C1orf105: variants seen among roughly 807,000 people sequenced by gnomAD.
The protein encoded by C1orf105 is uncharacterized protein C1orf105.
In C1orf105, 17 loss-of-function variants were observed where a neutral mutation model predicts 20.8. The observed-to-expected ratio is 0.82, with a 90% CI of 0.56 to 1.23. The LOEUF (loss-of-function observed/expected upper bound fraction) is 1.23. C1orf105 is among the 50% of genes most tolerant of loss of function. C1orf105 has a pLI of 0.00. For synonymous variants in C1orf105, 72 were observed against 72.1 expected, an observed-to-expected ratio of 1.00 and a Z score of 0.01; for missense variants, 219 against 213.5, an observed-to-expected ratio of 1.03 and a Z score of -0.16.
intron 1 of C1orf105, among the ~76,000 whole-genome samples, chr1:172,436,291 C>T (rs942000430): frequency 1.4e-4 from 21 of 152,124 alleles, no homozygotes; most frequent in Admixed American, 2.6e-4. Flanking sequence ...CAAGACAATC[C>T]TAAGTAAAAA....
intron 1 of C1orf105, among the ~76,000 whole-genome samples, chr1:172,422,452 C>T (rs2071615864): frequency 1.3e-5 from 2 of 152,132 alleles, no homozygotes; most frequent in Non-Finnish European, 2.9e-5. Context: ...AATAAAGAGC[C>T]TTTGGACCCT....
At chr1:172,454,352 T>C (rs1648998517) in intron 3 of C1orf105, among the ~76,000 whole-genome samples, 1 of 151,516 alleles carries the variant, frequency 6.6e-6, no homozygotes, top group South Asian at 2.1e-4. Flanking sequence ...TAGTGTGTCC[T>C]ACCTTAATTG....
At chr1:172,446,457 C>G (rs1408240014) in intron 2 of C1orf105, among the ~76,000 whole-genome samples, 1 of 152,234 alleles carries the variant, frequency 6.6e-6, no homozygotes, top group African/African-American at 2.4e-5. Context: ...AGCCCACCCC[C>G]ACGCCAGCAG....
intron 5 of C1orf105, among the ~76,000 whole-genome samples, chr1:172,464,401 G>A (rs969252258): frequency 3.3e-5 from 5 of 152,166 alleles, no homozygotes; most frequent in African/African-American, 1.2e-4. Flanking sequence ...TGAAATGAAT[G>A]TAGAGCCTTA....
chr1:172,439,836 T>C (rs1343053083), intron 1 of C1orf105, among the ~76,000 whole-genome samples: 1 of 152,114 alleles, frequency 6.6e-6, no homozygotes. Context: ...GCCCTGTTCC[T>C]GATGTGGACT....
At chr1:172,421,921 G>C (rs2071601187) in intron 1 of C1orf105, among the ~76,000 whole-genome samples, 1 of 152,146 alleles carries the variant, frequency 6.6e-6, no homozygotes, top group Non-Finnish European at 1.5e-5. Flanking sequence ...TGTTGCCAAT[G>C]GAGGGACCAT....
intron 1 of C1orf105, among the ~76,000 whole-genome samples, chr1:172,437,016 T>C (rs1286766011): frequency 1.3e-5 from 2 of 152,148 alleles, no homozygotes; most frequent in Non-Finnish European, 2.9e-5. Context: ...ATCAGAGAAA[T>C]GCAAATCAAA....
chr1:172,428,974 G>A, intron 1 of C1orf105: 1 of 548,722 alleles, frequency 1.8e-6, no homozygotes, highest in Admixed American at 3.6e-5. Flanking sequence ...TGGATACTGG[G>A]GGAAGAGAAT....
rs1648787426 is a variant in C1orf105, at chr1:172,452,697, T to C, written c.199-3718T>C. On this transcript the variant is annotated intron_variant, in intron 3 of 6. Coordinates refer to ENST00000367727, the MANE Select transcript of C1orf105 (RefSeq NM_139240.4). ...TATGAGGATGTTTCCAATTGTCAAA[T>C]GTGTTTTTGGCTTCTGGGGACTGGC... is the stretch of plus-strand genomic sequence containing the variant. 3 of 790,868 alleles carry C rather than the reference T, an allele frequency of 3.8e-6. No individual in the cohort carries two copies. In the African/African-American group the frequency reaches 5.6e-5, roughly 15 times the overall value. The allele number at this position is 790,868 out of a possible 1,614,324, so 49.0% of individuals were successfully genotyped here. A position where few individuals can be genotyped will look rare whatever the true frequency, so the allele number is the denominator to read the frequency against.
intron 6 of C1orf105, among the ~76,000 whole-genome samples, chr1:172,468,181 C>T (rs1650198474): frequency 6.6e-6 from 1 of 152,198 alleles, no homozygotes; most frequent in East Asian, 1.9e-4. Context: ...CTGGGTACTC[C>T]TTTTGGCCTC....
At chr1:172,431,105 C>T (rs1439311582) in intron 1 of C1orf105, 3 of 644,830 alleles carry the variant, frequency 4.7e-6, no homozygotes, top group Non-Finnish European at 5.6e-6. Context: ...AATTAATAAC[C>T]CTGCAATGGC....
chr1:172,436,262 A>G (rs1355909091), intron 1 of C1orf105, among the ~76,000 whole-genome samples: 1 of 152,198 alleles, frequency 6.6e-6, no homozygotes, highest in Non-Finnish European at 1.5e-5. Context: ...TATGGAACCA[A>G]AAAAAGAGCA....
intron 6 of C1orf105, among the ~76,000 whole-genome samples, chr1:172,467,914 C>T (rs1007925273): frequency 6.6e-6 from 1 of 152,072 alleles, no homozygotes; most frequent in African/African-American, 2.4e-5. Context: ...TTTTAAATAA[C>T]CCTAAAATAA....
chr1:172,441,684 G>A, intron 1 of C1orf105: 2 of 1,436,390 alleles, frequency 1.4e-6, no homozygotes, highest in South Asian at 1.4e-5. Flanking sequence ...CTAGTTAGGA[G>A]GCTAATCTAT....
At chr1:172,462,805 C>G (rs1373725365) in intron 5 of C1orf105, among the ~76,000 whole-genome samples, 3 of 152,082 alleles carry the variant, frequency 2.0e-5, no homozygotes, top group African/African-American at 7.2e-5. Context: ...TGGAGTCTCT[C>G]TCTGTTGCCC....
chr1:172,466,188 G>C (rs1049418412), intron 6 of C1orf105, among the ~76,000 whole-genome samples: 2 of 152,210 alleles, frequency 1.3e-5, no homozygotes, highest in African/African-American at 4.8e-5. Context: ...TTTGAGGATT[G>C]AAGGGATGTC....
At chr1:172,463,086 A>T (rs1023704585) in intron 5 of C1orf105, among the ~76,000 whole-genome samples, 1 of 152,082 alleles carries the variant, frequency 6.6e-6, no homozygotes. Flanking sequence ...CTAGTTTTTC[A>T]AAGAGTTTTT....
intron 4 of C1orf105, among the ~76,000 whole-genome samples, chr1:172,457,538 T>A (rs1649374738): frequency 6.6e-6 from 1 of 152,252 alleles, no homozygotes; most frequent in Non-Finnish European, 1.5e-5. Context: ...CCATCTATGT[T>A]CATTTTCTAC....
chr1:172,453,332 T>C (rs1270798450), intron 3 of C1orf105: 29 of 1,086,456 alleles, frequency 2.7e-5, no homozygotes, highest in Non-Finnish European at 3.7e-5. Flanking sequence ...GTTTATATGA[T>C]TGACAAAAGT....
Sources: gnomAD v4.1 joint callset for allele counts (sites outside exome capture counted in the v4.1 genomes callset) on GRCh38, gnomAD v4.1.1 for gene constraint, MANE v1.5 for transcripts, NCBI Gene and HGNC (gene_info 2026-07-23, HGNC 2026-07-21) for gene names.